Variants in CNTN5 observed in about 807,000 individuals in gnomAD.
CNTN5 encodes contactin 5, also known as contactin-5.
CNTN5 carries 77 observed loss-of-function variants against 129.1 expected under a neutral mutation model. That is an observed-to-expected ratio of 0.60 (90% CI 0.50 to 0.72). CNTN5 has a LOEUF of 0.72. CNTN5 is among the 30% of genes least tolerant of loss of function. CNTN5 has a pLI of 0.00. For synonymous variants in CNTN5, 509 were observed against 465.6 expected (o/e 1.09, Z -1.20); for missense variants, 1,478 against 1,328.8 (o/e 1.11, Z -1.75).
intron 3 of CNTN5, among the ~76,000 whole-genome samples, chr11:99,722,782 C>T (rs1943215471): frequency 6.6e-6 from 1 of 151,872 alleles, no homozygotes; most frequent in Admixed American, 6.6e-5. Flanking sequence ...GCCCACAACT[C>T]TCCCCATATG....
intron 1 of CNTN5, among the ~76,000 whole-genome samples, chr11:99,300,982 A>G (rs1864608610): frequency 6.6e-6 from 1 of 151,854 alleles, no homozygotes; most frequent in South Asian, 2.1e-4. Flanking sequence ...AAAAGTGGGG[A>G]GCAGTACCTA....
At chr11:100,190,789 C>T (rs929470585) in intron 13 of CNTN5, among the ~76,000 whole-genome samples, 3 of 151,218 alleles carry the variant, frequency 2.0e-5, no homozygotes, top group South Asian at 2.1e-4. Flanking sequence ...AATACTCAAG[C>T]TTAATATTAA....
chr11:99,793,003 G>C (rs1420488217), intron 3 of CNTN5, among the ~76,000 whole-genome samples: 2 of 151,724 alleles, frequency 1.3e-5, no homozygotes, highest in East Asian at 3.9e-4. Context: ...GTGTTTATTT[G>C]GATCTTCCCT....
intron 1 of CNTN5, among the ~76,000 whole-genome samples, chr11:99,236,491 CACACACAGAG>C (rs1051770217): frequency 1.6e-4 from 24 of 149,208 alleles, no homozygotes; most frequent in African/African-American, 4.9e-4. Flanking sequence ...CACACACACA[CACACACAGAG>C]AGAGAGAGAG....
chr11:99,128,849 A>G (rs1182647469), intron 1 of CNTN5, among the ~76,000 whole-genome samples: 1 of 152,144 alleles, frequency 6.6e-6, no homozygotes, highest in Non-Finnish European at 1.5e-5. Context: ...CCCCCAGCAC[A>G]CTGCAGCAGA....
chr11:99,313,282 T>C (rs1865194527), intron 1 of CNTN5, among the ~76,000 whole-genome samples: 1 of 152,114 alleles, frequency 6.6e-6, no homozygotes, highest in African/African-American at 2.4e-5. Flanking sequence ...TCTTGAAATA[T>C]GTAAATCATT....
At position 99,757,130 on chromosome 11, in the gene CNTN5, A is replaced by T. The variant is rs183140773; in HGVS notation, c.56-62414A>T. On this transcript the variant is annotated intron_variant, in intron 3 of 24. Transcript: ENST00000524871. ...TTGTCTCTGAAGGCACTAGGGCAAA[A>T]TGTGATCCATTCGTTTCTCTTAGCT... Among the ~76,000 whole-genome samples the T allele has an allele frequency of 2.5e-3, 387 of 152,158 alleles. 3 individuals are homozygous for T. Among genetic ancestry groups the T allele is most frequent in the African/African-American group, 7.4e-3 (309 of 41,566 alleles).
intron 2 of CNTN5, among the ~76,000 whole-genome samples, chr11:99,530,352 G>A (rs1451145197): frequency 1.3e-5 from 2 of 152,178 alleles, no homozygotes; most frequent in Non-Finnish European, 2.9e-5. Context: ...TGTTGCTGTA[G>A]TATGAAACCA....
At chr11:99,646,438 A>G (rs966793901) in intron 3 of CNTN5, among the ~76,000 whole-genome samples, 1 of 152,144 alleles carries the variant, frequency 6.6e-6, no homozygotes, top group African/African-American at 2.4e-5. Flanking sequence ...GCTTTTTTCT[A>G]CAATCTATCA....
intron 3 of CNTN5, among the ~76,000 whole-genome samples, chr11:99,667,304 A>T (rs1324006985): frequency 3.8e-5 from 3 of 79,718 alleles, no homozygotes; most frequent in African/African-American, 1.0e-4. Context: ...CAATTAATAA[A>T]TTTTGTAAAT....
At chr11:100,272,271 T>A (rs2138786507) in intron 18 of CNTN5, among the ~76,000 whole-genome samples, 1 of 152,186 alleles carries the variant, frequency 6.6e-6, no homozygotes, top group South Asian at 2.1e-4. Flanking sequence ...AGGGAACAAT[T>A]TTTTCCTTTA....
At chr11:100,045,994 A>C (rs544643181) in intron 9 of CNTN5, among the ~76,000 whole-genome samples, 1 of 151,976 alleles carries the variant, frequency 6.6e-6, no homozygotes. Context: ...GTTAGGGTAC[A>C]TGTGCACAAT....
chr11:99,234,697 GTAGA>G (rs1565425120), intron 1 of CNTN5, among the ~76,000 whole-genome samples: 1 of 151,798 alleles, frequency 6.6e-6, no homozygotes, highest in Non-Finnish European at 1.5e-5. Context: ...TATTTCTAAT[GTAGA>G]TATTTATTTA....
intron 2 of CNTN5, among the ~76,000 whole-genome samples, chr11:99,501,628 G>A (rs1946430662): frequency 6.6e-6 from 1 of 152,008 alleles, no homozygotes; most frequent in Non-Finnish European, 1.5e-5. Context: ...TTTATCCACA[G>A]GTAAAAGATA....
At chr11:99,516,099 A>G (rs772917406) in intron 2 of CNTN5, among the ~76,000 whole-genome samples, 1 of 150,544 alleles carries the variant, frequency 6.6e-6, no homozygotes, top group Non-Finnish European at 1.5e-5. Context: ...TATATGCAAT[A>G]CCATAAGTAA....
At chr11:100,162,141 G>T (rs901406242) in intron 13 of CNTN5, among the ~76,000 whole-genome samples, 1 of 151,870 alleles carries the variant, frequency 6.6e-6, no homozygotes, top group East Asian at 2.0e-4. Flanking sequence ...CCTGCTCTTT[G>T]TTCTCATCTG....
intron 4 of CNTN5, among the ~76,000 whole-genome samples, chr11:99,835,936 G>C (rs1051676342): frequency 6.6e-6 from 1 of 152,018 alleles, no homozygotes; most frequent in East Asian, 1.9e-4. Flanking sequence ...CCCAAGAGAG[G>C]GTTGTTGGAT....
At chr11:99,666,561 C>G (rs1293539874) in intron 3 of CNTN5, among the ~76,000 whole-genome samples, 1 of 152,190 alleles carries the variant, frequency 6.6e-6, no homozygotes, top group African/African-American at 2.4e-5. Flanking sequence ...TCACAAAATT[C>G]ATGCTACCAC....
chr11:99,467,292 A>C (rs1289555792), intron 2 of CNTN5, among the ~76,000 whole-genome samples: 1 of 152,102 alleles, frequency 6.6e-6, no homozygotes, highest in Admixed American at 6.6e-5. Flanking sequence ...TGAAAATGCT[A>C]TCCTGCAGTT....
Sources: allele counts gnomAD v4.1 joint callset (sites outside exome capture counted in the v4.1 genomes callset), GRCh38; gene constraint gnomAD v4.1.1; transcripts MANE v1.5; gene names NCBI Gene and HGNC (gene_info 2026-07-23, HGNC 2026-07-21).